Variants in UTRN observed in about 807,000 individuals in gnomAD.
The protein encoded by UTRN is utrophin, also known as dystrophin-related protein 1.
Under a neutral mutation model 463.9 loss-of-function variants are expected in UTRN, and 283 were observed. That is an observed-to-expected ratio of 0.61 (90% CI 0.55 to 0.67). The LOEUF (loss-of-function observed/expected upper bound fraction) is 0.67, where lower values mean the gene tolerates loss of function less well. Ranked by LOEUF, UTRN falls within the 30% of genes least tolerant of loss-of-function variation. The pLI is 0.00. For synonymous variants in UTRN, 1,442 were observed against 1,431.5 expected (o/e 1.01, Z -0.17); for missense variants, 3,922 against 4,084.3 (o/e 0.96, Z 1.08).
chr6:144,449,554 T>C (rs1160689963), intron 17 of UTRN, among the ~76,000 whole-genome samples: 1 of 152,174 alleles, frequency 6.6e-6, no homozygotes, highest in African/African-American at 2.4e-5. Flanking sequence ...TTCTCTGAAA[T>C]ATTAAATAGA....
intron 58 of UTRN, among the ~76,000 whole-genome samples, chr6:144,764,215 T>A (rs1287571471): frequency 6.6e-6 from 1 of 152,158 alleles, no homozygotes; most frequent in East Asian, 1.9e-4. Flanking sequence ...GGGCTTCAGA[T>A]AAATGAGCAT....
intron 23 of UTRN, among the ~76,000 whole-genome samples, chr6:144,469,437 C>A (rs1790282821): frequency 6.6e-6 from 1 of 152,130 alleles, no homozygotes. Context: ...TGTTATGATT[C>A]CAGTTTCACA....
chr6:144,814,197 A>G (rs1008848929), intron 65 of UTRN, among the ~76,000 whole-genome samples: 32 of 152,114 alleles, frequency 2.1e-4, no homozygotes, highest in African/African-American at 7.5e-4. Context: ...TCATAAATGA[A>G]ATTAGTACAT....
At chr6:144,385,407 A>C (rs1159368185) in intron 2 of UTRN, among the ~76,000 whole-genome samples, 1 of 152,232 alleles carries the variant, frequency 6.6e-6, no homozygotes. Context: ...AGTACTCTTC[A>C]GTCTAAAAAT....
chr6:144,634,604 A>C (rs1383119296), intron 51 of UTRN, among the ~76,000 whole-genome samples: 1 of 152,184 alleles, frequency 6.6e-6, no homozygotes, highest in Non-Finnish European at 1.5e-5. Flanking sequence ...GTACCCATTG[A>C]AATTGTGCAT....
chr6:144,782,284 T>C (rs937645505), intron 61 of UTRN, among the ~76,000 whole-genome samples, 161 bp downstream of exon 61: 3 of 152,210 alleles, frequency 2.0e-5, no homozygotes, highest in African/African-American at 7.2e-5. Flanking sequence ...TTACAAATCA[T>C]TGAGCTTCTT....
chr6:144,794,118 T>C lies in UTRN; in HGVS notation c.9078+127T>C. 3 of 1,312,168 alleles carry C rather than the reference T, an allele frequency of 2.3e-6. No homozygotes were observed. In the South Asian group the frequency reaches 4.9e-5, roughly 22 times the overall value. The allele number at this position is 1,312,168 out of a possible 1,614,324, so 81.3% of individuals were successfully genotyped here. A position where few individuals can be genotyped will look rare whatever the true frequency, so the allele number is the denominator to read the frequency against. The stretch of plus-strand genomic sequence containing the variant: ...AAGACTTTGGGTACCATCCAACAAG[T>C]GGTGTATTTTATTTCCTAAGGCTCA... On this transcript the variant is annotated intron_variant, in intron 63 of 74. Coordinates refer to ENST00000367545, the MANE Select transcript of UTRN (RefSeq NM_007124.3).
chr6:144,798,107 G>A (rs1562925694), intron 64 of UTRN, 117 bp downstream of exon 64: 2 of 1,386,130 alleles, frequency 1.4e-6, no homozygotes, highest in Non-Finnish European at 2.0e-6. Flanking sequence ...CTAAATAAAT[G>A]GTATGTTCAG....
chr6:144,521,333 G>T (rs1274621796), intron 39 of UTRN, among the ~76,000 whole-genome samples: 1 of 152,046 alleles, frequency 6.6e-6, no homozygotes, highest in Non-Finnish European at 1.5e-5. Context: ...CTGAGAAGAG[G>T]ATCCAGAAAA....
chr6:144,802,448 C>A (rs1777778563), intron 64 of UTRN, among the ~76,000 whole-genome samples: 1 of 152,108 alleles, frequency 6.6e-6, no homozygotes, highest in African/African-American at 2.4e-5. Context: ...GCAATTCTGA[C>A]AGAACAGATT....
At chr6:144,325,651 T>A (rs148729078) in intron 2 of UTRN, among the ~76,000 whole-genome samples, 1 of 152,322 alleles carries the variant, frequency 6.6e-6, no homozygotes, top group East Asian at 1.9e-4. Flanking sequence ...ATTACCTTAC[T>A]TTGAGCCCAC....
intron 51 of UTRN, among the ~76,000 whole-genome samples, chr6:144,616,092 G>T (rs1234930513): frequency 1.3e-5 from 2 of 152,008 alleles, no homozygotes; most frequent in African/African-American, 4.8e-5. Flanking sequence ...TCTCCATGTT[G>T]TAACTCCTTC....
intron 2 of UTRN, among the ~76,000 whole-genome samples, chr6:144,346,772 G>C (rs1412138517): frequency 9.2e-5 from 14 of 152,062 alleles, no homozygotes. Context: ...GCAGTGAGCT[G>C]AGATTGCGCC....
At chr6:144,452,046 A>G (rs1480564166) in intron 18 of UTRN, among the ~76,000 whole-genome samples, 1 of 152,236 alleles carries the variant, frequency 6.6e-6, no homozygotes, top group Non-Finnish European at 1.5e-5. Flanking sequence ...CCTACACATT[A>G]CTGCATTAAC....
At chr6:144,627,663 TG>T (rs1463969424) in intron 51 of UTRN, among the ~76,000 whole-genome samples, 1 of 152,180 alleles carries the variant, frequency 6.6e-6, no homozygotes, top group African/African-American at 2.4e-5. Context: ...TTTCTGTACC[TG>T]AGAATTTGAC....
chr6:144,376,457 A>G (rs1349186614), intron 2 of UTRN, among the ~76,000 whole-genome samples: 2 of 151,776 alleles, frequency 1.3e-5, no homozygotes, highest in Non-Finnish European at 2.9e-5. Flanking sequence ...CTGTCTCAAA[A>G]AAAAAAAAAA....
chr6:144,793,829 T>C lies in UTRN; in HGVS notation c.8921-5T>C, dbSNP rs779571834. 3.1e-6 allele frequency: 5 copies of C among 1,613,346 alleles called. No homozygotes were observed. The highest frequency in any genetic ancestry group is 3.4e-6 in the Non-Finnish European group (4 of 1,179,646). ...TGAAAGTTAACCTCTTGCCTCTCTT[T>C]GCAGATCTCTTTAAGGAAGTTGCAG... On this transcript the variant is annotated splice_polypyrimidine_tract_variant and splice_region_variant and intron_variant, in intron 62 of 74. Coordinates refer to ENST00000367545, the MANE Select transcript of UTRN (RefSeq NM_007124.3).
intron 51 of UTRN, among the ~76,000 whole-genome samples, chr6:144,658,702 C>T (rs1350712729): frequency 6.6e-6 from 1 of 152,210 alleles, no homozygotes; most frequent in African/African-American, 2.4e-5. Flanking sequence ...ATGGACATTT[C>T]TGTTATACTT....
Position 144,511,140 on chromosome 6 carries a change from AG to A in UTRN, c.4944+18del. The A allele has an allele frequency of 6.7e-7, 1 of 1,499,086 alleles. No individual in the cohort carries two copies. The highest frequency in any genetic ancestry group is 9.0e-7 in the Non-Finnish European group (1 of 1,115,258). 92.9% of individuals were successfully genotyped at this position (1,499,086 alleles called of 1,614,324 possible). A position where few individuals can be genotyped will look rare whatever the true frequency, so the allele number is the denominator to read the frequency against. On this transcript the variant is annotated intron_variant, in intron 35 of 74. Transcript: ENST00000367545. Reference sequence around the variant, plus strand: ...ACCTTGATGGTATGTCTCAGGAAAAAGTAAATGATGAAATCTTCTCCTCTCT... The same window carrying A: ...ACCTTGATGGTATGTCTCAGGAAAAATAAATGATGAAATCTTCTCCTCTCT...
Sources: gnomAD v4.1 joint callset for allele counts (sites outside exome capture counted in the v4.1 genomes callset) on GRCh38, gnomAD v4.1.1 for gene constraint, MANE v1.5 for transcripts, NCBI Gene and HGNC (gene_info 2026-07-23, HGNC 2026-07-21) for gene names.